Variants in ZFPM2 observed in about 807,000 individuals in gnomAD.
The protein encoded by ZFPM2 is zinc finger protein ZFPM2.
In ZFPM2, 20 loss-of-function variants were observed where a neutral mutation model predicts 98.6. The ratio of observed to expected loss-of-function variants is 0.20; its 90% CI spans 0.14 to 0.29. The LOEUF (loss-of-function observed/expected upper bound fraction) is 0.29. Among genes scored for constraint, ZFPM2 ranks in the 10% least tolerant of loss-of-function variants. ZFPM2 has a pLI of 1.00. For synonymous variants in ZFPM2, 518 were observed against 502.7 expected (o/e 1.03, Z -0.41); for missense variants, 1,310 against 1,388.6 (o/e 0.94, Z 0.90).
At chr8:105,776,596 C>T (rs1209712362) in intron 5 of ZFPM2, among the ~76,000 whole-genome samples, 1 of 152,146 alleles carries the variant, frequency 6.6e-6, no homozygotes, top group Admixed American at 6.6e-5. Flanking sequence ...AGGCTATAAA[C>T]AATTCTTATT....
chr8:105,634,156 T>C, intron 4 of ZFPM2, 90 bp from the exon 5 acceptor site: 1 of 953,558 alleles, frequency 1.0e-6, no homozygotes, highest in Non-Finnish European at 1.6e-6. Context: ...ATTTAGTTGT[T>C]TGTAAAAATA....
At chr8:105,798,196 C>T (rs999192571) in intron 6 of ZFPM2, 1 of 152,540 alleles carries the variant, frequency 6.6e-6, no homozygotes, top group Admixed American at 6.5e-5. Context: ...ACACCTGTAA[C>T]TGCAGCACTT....
Position 105,798,868 on chromosome 8 carries a change from C to A in ZFPM2, c.884C>A (p.Ser295Tyr). 3 of 1,613,952 alleles carry A rather than the reference C, an allele frequency of 1.9e-6. No homozygotes were observed. Among genetic ancestry groups the A allele is most frequent in the Non-Finnish European group, 2.5e-6 (3 of 1,179,868 alleles). ...AATGAAGACAGTGCCCATCAGATTT[C>A]CAGCCTGTGCCCCTTCCCACAGTGC... ...EENEDSAHQISSLCPFPQCTK... is the reference protein window; with the variant it reads ...EENEDSAHQIYSLCPFPQCTK... The change falls in exon 7 of 8, where the codon TCC becomes TAC. Residue 295 changes from serine (S) to tyrosine (Y), a missense_variant. Physicochemically the swap from Ser to Tyr is moderately radical, Grantham distance 144. Coordinates refer to ENST00000407775, the MANE Select transcript of ZFPM2 (RefSeq NM_012082.4).
At chr8:105,370,118 A>G (rs1237365778) in intron 1 of ZFPM2, among the ~76,000 whole-genome samples, 2 of 152,188 alleles carry the variant, frequency 1.3e-5, no homozygotes, top group Non-Finnish European at 2.9e-5. Flanking sequence ...CTAGGAAACC[A>G]CTGAGAAACA....
intron 5 of ZFPM2, among the ~76,000 whole-genome samples, chr8:105,697,353 G>A (rs1811043833): frequency 6.6e-6 from 1 of 152,172 alleles, no homozygotes. Flanking sequence ...CATCTTTACT[G>A]AACTAACAAT....
At chr8:105,566,414 A>G (rs1443965850) in intron 4 of ZFPM2, among the ~76,000 whole-genome samples, 6 of 152,164 alleles carry the variant, frequency 3.9e-5, no homozygotes, top group Non-Finnish European at 8.8e-5. Context: ...AAAAAAATCA[A>G]AGGACTACTG....
At chr8:105,350,615 T>G (rs1586309290) in intron 1 of ZFPM2, among the ~76,000 whole-genome samples, 1 of 152,114 alleles carries the variant, frequency 6.6e-6, no homozygotes, top group East Asian at 1.9e-4. Flanking sequence ...GCAGAAAACT[T>G]GGTAGGCAAT....
chr8:105,723,870 A>C (rs1417338651), intron 5 of ZFPM2, among the ~76,000 whole-genome samples: 1 of 151,712 alleles, frequency 6.6e-6, no homozygotes, highest in African/African-American at 2.4e-5. Flanking sequence ...TTTCATTGAC[A>C]TTAAAGTAAA....
intron 3 of ZFPM2, among the ~76,000 whole-genome samples, chr8:105,478,314 G>A (rs1310303903): frequency 1.3e-5 from 2 of 152,192 alleles, no homozygotes; most frequent in African/African-American, 2.4e-5. Context: ...GATAATGTAT[G>A]TTGAACTTCC....
At chr8:105,366,221 A>T (rs1322900747) in intron 1 of ZFPM2, among the ~76,000 whole-genome samples, 3 of 152,134 alleles carry the variant, frequency 2.0e-5, no homozygotes, top group African/African-American at 7.2e-5. Context: ...TATTTTACGT[A>T]ATTCAATCGA....
In ZFPM2 at chr8:105,318,986, GT is replaced by G; in HGVS notation, c.40+8del. The G allele has an allele frequency of 1.3e-6, 2 of 1,492,264 alleles. No individual in the cohort carries two copies. The highest frequency in any genetic ancestry group is 1.8e-6 in the Non-Finnish European group (2 of 1,113,310). 92.4% of individuals were successfully genotyped at this position (1,492,264 alleles called of 1,614,324 possible). ...GCAAACCCCGGCAGATCAAACGTAAGTTTGCGCGCGGGGCCGGGAGTTGGTG... is the reference window on the plus strand; with the variant it reads ...GCAAACCCCGGCAGATCAAACGTAAGTTGCGCGCGGGGCCGGGAGTTGGTG... On this transcript the variant is annotated splice_donor_region_variant and intron_variant, in intron 1 of 7. Coordinates refer to ENST00000407775, the MANE Select transcript of ZFPM2 (RefSeq NM_012082.4).
intron 1 of ZFPM2, among the ~76,000 whole-genome samples, chr8:105,360,176 G>A (rs1049167179): frequency 1.3e-5 from 2 of 152,140 alleles, no homozygotes; most frequent in African/African-American, 2.4e-5. Flanking sequence ...GACAGAAGTT[G>A]TCTCTGTACC....
chr8:105,714,415 A>C (rs1357961869), intron 5 of ZFPM2, among the ~76,000 whole-genome samples: 1 of 152,024 alleles, frequency 6.6e-6, no homozygotes, highest in African/African-American at 2.4e-5. Flanking sequence ...CCACAAAGAG[A>C]AATAGTTTGA....
intron 1 of ZFPM2, among the ~76,000 whole-genome samples, chr8:105,353,284 G>A (rs1293459530): frequency 2.6e-5 from 4 of 152,062 alleles, no homozygotes; most frequent in African/African-American, 4.8e-5. Flanking sequence ...TTCACTCTGT[G>A]TTCTGTTCAG....
chr8:105,785,815 G>T (rs545789760), intron 5 of ZFPM2, among the ~76,000 whole-genome samples: 2 of 152,132 alleles, frequency 1.3e-5, no homozygotes, highest in African/African-American at 2.4e-5. Flanking sequence ...GGCCGAGGCG[G>T]GTGGATCACG....
chr8:105,557,142 T>C (rs1486702911), intron 3 of ZFPM2, among the ~76,000 whole-genome samples: 3 of 152,180 alleles, frequency 2.0e-5, no homozygotes, highest in African/African-American at 7.2e-5. Context: ...TTTCTATGTC[T>C]CTTGCCAATT....
At chr8:105,795,781 CAGT>C in intron 6 of ZFPM2, 2 of 488,844 alleles carry the variant, frequency 4.1e-6, no homozygotes, top group Non-Finnish European at 8.2e-6. Flanking sequence ...GACACAAAAT[CAGT>C]CGTCTGGAGT....
chr8:105,663,930 C>T (rs936523211), intron 5 of ZFPM2, among the ~76,000 whole-genome samples: 2 of 152,172 alleles, frequency 1.3e-5, no homozygotes, highest in African/African-American at 4.8e-5. Context: ...TCTAAGTAAA[C>T]ACCCCCACTT....
At chr8:105,761,176 G>A (rs766602504) in intron 5 of ZFPM2, among the ~76,000 whole-genome samples, 61 of 152,106 alleles carry the variant, frequency 4.0e-4, no homozygotes, top group Non-Finnish European at 7.2e-4. Flanking sequence ...TCAGTACACA[G>A]ATCCAATGGA....
Sources: allele counts gnomAD v4.1 joint callset (sites outside exome capture counted in the v4.1 genomes callset), GRCh38; gene constraint gnomAD v4.1.1; transcripts MANE v1.5; gene names NCBI Gene and HGNC (gene_info 2026-07-23, HGNC 2026-07-21).